WDR97: variants seen among roughly 807,000 people sequenced by gnomAD.
WDR97 encodes WD repeat-containing protein 97.
Under a neutral mutation model 65.4 loss-of-function variants are expected in WDR97, and 111 were observed. That is an observed-to-expected ratio of 1.70 (90% CI 1.45 to 1.99). The LOEUF is 1.99. Among genes scored for constraint, WDR97 ranks in the 30% most tolerant of loss-of-function variants. The pLI is 0.00. For missense variants in WDR97, 1,674 were observed against 865.0 expected (o/e 1.94, Z -11.73); for synonymous variants, 802 against 397.7 (o/e 2.02, Z -12.10).
In WDR97 at chr8:144,116,154, TGCCGTTGCCGCGTGTGGA is replaced by T; in HGVS notation, c.4735_4752del (p.Leu1579_Pro1584del). On this transcript the variant is annotated inframe_deletion, in exon 24 of 24. Coordinates refer to ENST00000323662, the MANE Select transcript of WDR97 (RefSeq NM_001316309.2). ...GACGGCCCCATCCGGACGCTGAAGC[TGCCGTTGCCGCGTGTGGA>T]GCCGCAGCCTTTCCCCCTGGACTGG... The T allele has an allele frequency of 1.4e-6, 1 of 699,890 alleles. No individual in the cohort carries two copies. Among genetic ancestry groups the T allele is most frequent in the Non-Finnish European group, 2.6e-6 (1 of 383,650 alleles). The allele number at this position is 699,890 out of a possible 1,614,324, so 43.4% of individuals were successfully genotyped here. A position where few individuals can be genotyped will look rare whatever the true frequency, so the allele number is the denominator to read the frequency against.
rs1384980656 is a variant in WDR97 at position 144,111,196 on chromosome 8, C to T, written c.2400C>T (p.Thr800=). The change falls in exon 10 of 24, where the codon ACC becomes ACT. Residue 800 remains threonine (T), a synonymous_variant. Coordinates refer to ENST00000323662, the MANE Select transcript of WDR97 (RefSeq NM_001316309.2). ...SLTSAQLQRL[T]NLHGAASLSE... The stretch of plus-strand genomic sequence containing the variant: ...CTTCCGCCCAACTGCAGAGGCTCAC[C>T]AACCTCCATGGGGCAGCCAGCCTCA... The T allele has an allele frequency of 8.5e-6, 6 of 702,630 alleles. No homozygotes were observed. Among genetic ancestry groups the T allele is most frequent in the African/African-American group, 1.7e-5 (1 of 57,268 alleles). 43.5% of individuals were successfully genotyped at this position (702,630 alleles called of 1,614,324 possible).
rs775356670 is a variant in WDR97, at chr8:144,108,113, A to C, written c.167A>C (p.Gln56Pro). The change falls in exon 2 of 24, where the codon CAG becomes CCG. Residue 56 changes from glutamine (Q) to proline (P), a missense_variant. Transcript: ENST00000323662. ...CTGCCCTTTTTGACCAGCAGCCAAC[A>C]GTGGCAAAGCCTGACCCCGCGCGCC... ...QVLPFLTSSQ[Q>P]WQSLTPRARA... 9 of 702,638 alleles carry C rather than the reference A, an allele frequency of 1.3e-5. No homozygotes were observed. In the South Asian group the frequency reaches 1.3e-4, roughly 10 times the overall value. The allele number at this position is 702,638 out of a possible 1,614,324, so 43.5% of individuals were successfully genotyped here. A position where few individuals can be genotyped will look rare whatever the true frequency, so the allele number is the denominator to read the frequency against.
chr8:144,108,143 C>T lies in WDR97; in HGVS notation c.197C>T (p.Ala66Val). 1 of 702,480 alleles carries T rather than the reference C, an allele frequency of 1.4e-6. No individual in the cohort carries two copies. Among genetic ancestry groups the T allele is most frequent in the Non-Finnish European group, 2.6e-6 (1 of 384,866 alleles). The allele number at this position is 702,480 out of a possible 1,614,324, so 43.5% of individuals were successfully genotyped here. A position where few individuals can be genotyped will look rare whatever the true frequency, so the allele number is the denominator to read the frequency against. ...CAAAGCCTGACCCCGCGCGCCCGCG[C>T]CCGCCGGCTGTGGCTGCTTCTGCGC... ...QWQSLTPRAR[A>V]RRLWLLLRTS... The change falls in exon 2 of 24, where the codon GCC becomes GTC. Residue 66 changes from alanine (A) to valine (V), a missense_variant. Transcript: ENST00000323662.
chr8:144,109,233 A>G, intron 4 of WDR97, 63 bp downstream of exon 4: 1 of 701,458 alleles, frequency 1.4e-6, no homozygotes, highest in Non-Finnish European at 2.6e-6. Flanking sequence ...TAGGCTGTCC[A>G]GCATCTCCGC....
rs998352663 is a variant in WDR97, at chr8:144,108,927, C to A, written c.861C>A (p.Arg287=). The A allele has an allele frequency of 5.8e-5, 41 of 702,850 alleles. No homozygotes were observed. Among genetic ancestry groups the A allele is most frequent in the Admixed American group, 1.8e-4 (9 of 49,994 alleles). 43.5% of individuals were successfully genotyped at this position (702,850 alleles called of 1,614,324 possible). A position where few individuals can be genotyped will look rare whatever the true frequency, so the allele number is the denominator to read the frequency against. The change falls in exon 3 of 24, where the codon CGC becomes CGA. Residue 287 remains arginine (R), a synonymous_variant. Transcript: ENST00000323662. Reference sequence around the variant, plus strand: ...ATGCCTGGACTCTCGTAGATGTGCGCCGGGATTTGCACAAAACGTGAGGGG... The same window carrying A: ...ATGCCTGGACTCTCGTAGATGTGCGACGGGATTTGCACAAAACGTGAGGGG... The part of the protein sequence containing the change: ...DLHAWTLVDV[R]RDLHKTTISD...
chr8:144,108,072 G>T lies in WDR97; in HGVS notation c.126G>T (p.Thr42=), dbSNP rs1484222236. 4.3e-6 allele frequency: 3 copies of T among 702,766 alleles called. No homozygotes were observed. The highest frequency in any genetic ancestry group is 7.8e-6 in the Non-Finnish European group (3 of 384,998). The allele number at this position is 702,766 out of a possible 1,614,324, so 43.5% of individuals were successfully genotyped here. Residue 42 remains threonine, a synonymous_variant, in exon 2 of 24, where the codon ACG becomes ACT. Coordinates refer to ENST00000323662, the MANE Select transcript of WDR97 (RefSeq NM_001316309.2). The stretch of plus-strand genomic sequence containing the variant: ...TCCTGCCCGCAGAGTTGACTTTCAC[G>T]GAGCCGTCGCAGGTCCTGCCCTTTT... ...LLTEKNELTF[T]EPSQVLPFLT...
rs2130052898 is a variant in WDR97 at position 144,109,487 on chromosome 8, G to A, written c.1153G>A (p.Val385Met). ...FWGQDKLSRR[V>M]GRLLAPVRPG... ...GGGCCAGGACAAGCTGTCCCGGCGC[G>A]TGGGCCGTCTGCTGGCGCCGGTGCG... Residue 385 changes from valine to methionine, a missense_variant, in exon 5 of 24, where the codon GTG (valine) becomes ATG (methionine). By Grantham distance (21) the Val-to-Met change is conservative. Transcript: ENST00000323662. 2 of 697,274 alleles carry A rather than the reference G, an allele frequency of 2.9e-6. No homozygotes were observed. Among genetic ancestry groups the A allele is most frequent in the African/African-American group, 1.7e-5 (1 of 57,144 alleles). The allele number at this position is 697,274 out of a possible 1,614,324, so 43.2% of individuals were successfully genotyped here. A position where few individuals can be genotyped will look rare whatever the true frequency, so the allele number is the denominator to read the frequency against.
rs1240217295 is a variant in WDR97, at chr8:144,109,376, GTGT to G, written c.1046_1048del (p.Leu349del). ...GACTGTGCTCCCGAACACGACCCTG[GTGT>G]TGTCGGCCTCGCAGGACGGGACGCT... On this transcript the variant is annotated inframe_deletion, in exon 5 of 24. Transcript: ENST00000323662. 1.4e-6 allele frequency: 1 copy of G among 702,540 alleles called. No individual in the cohort carries two copies. The highest frequency in any genetic ancestry group is 2.6e-6 in the Non-Finnish European group (1 of 384,884). 43.5% of individuals were successfully genotyped at this position (702,540 alleles called of 1,614,324 possible).
Position 144,114,837 on chromosome 8 carries a change from C to T in WDR97, c.4003C>T (p.Pro1335Ser), listed in dbSNP as rs1170086053. The T allele has an allele frequency of 1.4e-6, 1 of 702,706 alleles. No homozygotes were observed. The highest frequency in any genetic ancestry group is 2.6e-6 in the Non-Finnish European group (1 of 384,926). 43.5% of individuals were successfully genotyped at this position (702,706 alleles called of 1,614,324 possible). A position where few individuals can be genotyped will look rare whatever the true frequency, so the allele number is the denominator to read the frequency against. ...FKEMMTWVQG[P>S]DLDSKAGLRT... ...GGAGATGATGACCTGGGTCCAGGGC[C>T]CAGACCTGGACTCCAAGGCCGGCCT... The change falls in exon 21 of 24, where the codon CCA (proline) becomes TCA (serine). Residue 1335 changes from proline (P) to serine (S), a missense_variant. By Grantham distance (74) the Pro-to-Ser change is moderately conservative (BLOSUM62 -1). Transcript: ENST00000323662.
rs1478078941 is a variant in WDR97 at position 144,111,705 on chromosome 8, AG to A, written c.2562del (p.Gln854HisfsTer19). 2 of 698,472 alleles carry A rather than the reference AG, an allele frequency of 2.9e-6. No homozygotes were observed. The highest frequency in any genetic ancestry group is 5.2e-6 in the Non-Finnish European group (2 of 382,326). 43.3% of individuals were successfully genotyped at this position (698,472 alleles called of 1,614,324 possible). ...LRLGLVVPAA[Q>X]PPPSWQQRQE... is the part of the protein sequence containing the mutation. ...CTGGGGCTAGTGGTCCCAGCAGCCC[AG>A]CCCCCACCCTCCTGGCAGCAGCGCC... On this transcript the variant is annotated frameshift_variant, in exon 12 of 24. Coordinates refer to ENST00000323662, the MANE Select transcript of WDR97 (RefSeq NM_001316309.2). LOFTEE classifies it high-confidence loss of function.
rs145906584 is a variant in WDR97, at chr8:144,110,465, C to T, written c.1968C>T (p.Thr656=). 692 of 703,008 alleles carry T rather than the reference C, an allele frequency of 9.8e-4. 4 individuals carry two copies. In the African/African-American group the frequency reaches 0.011, roughly 11 times the overall value. 43.5% of individuals were successfully genotyped at this position (703,008 alleles called of 1,614,324 possible). The change falls in exon 7 of 24, where the codon ACC becomes ACT. Residue 656 remains threonine, a synonymous_variant. Coordinates refer to ENST00000323662, the MANE Select transcript of WDR97 (RefSeq NM_001316309.2). ...TCTGTGCGCTAGGCAGACGCGTCAC[C>T]GCGGGCTTTGAGGACCCAGACAGCG... ...VALCALGRRV[T]AGFEDPDSAT...
rs569592938 is a variant in WDR97 at position 144,108,199 on chromosome 8, C to A, written c.249+4C>A. 3 of 700,662 alleles carry A rather than the reference C, an allele frequency of 4.3e-6. No homozygotes were observed. In the East Asian group the frequency reaches 8.1e-5, roughly 19 times the overall value. The allele number at this position is 700,662 out of a possible 1,614,324, so 43.4% of individuals were successfully genotyped here. ...CCTCCACGAAGTCGTGGAAAAGGTG[C>A]GGTGTGCCTGTCCTGCGCCTCCTGG... On this transcript the variant is annotated splice_donor_region_variant and intron_variant, in intron 2 of 23. Transcript: ENST00000323662.
chr8:144,114,930 G>A lies in WDR97; in HGVS notation c.4077+19G>A, dbSNP rs530342223. On this transcript the variant is annotated intron_variant, in intron 21 of 23. Coordinates refer to ENST00000323662, the MANE Select transcript of WDR97 (RefSeq NM_001316309.2). The stretch of plus-strand genomic sequence containing the variant: ...GCTTCAGGTTGGGCCGGCAGGGGCC[G>A]GGGGGGCCTTGGGAACCCTGTTGCC... 1.7e-4 allele frequency: 112 copies of A among 667,640 alleles called. 3 individuals carry two copies. In the East Asian group the frequency reaches 2.4e-3, roughly 14 times the overall value. The allele number at this position is 667,640 out of a possible 1,614,324, so 41.4% of individuals were successfully genotyped here.
Position 144,111,418 on chromosome 8 carries a change from G to T in WDR97, c.2427-8G>T, listed in dbSNP as rs1031758705. ...CAGCATCCCACCTGTGCCTGTCCCTGTTTGCAGCGAGGCCTTGTCTCTCAT... is the reference window on the plus strand; with the variant it reads ...CAGCATCCCACCTGTGCCTGTCCCTTTTTGCAGCGAGGCCTTGTCTCTCAT... On this transcript the variant is annotated splice_region_variant and splice_polypyrimidine_tract_variant and intron_variant, in intron 10 of 23. Transcript: ENST00000323662. The T allele has an allele frequency of 5.7e-6, 4 of 702,694 alleles. No individual in the cohort carries two copies. The East Asian group carries it at 1.1e-4, about 19-fold the overall frequency. 43.5% of individuals were successfully genotyped at this position (702,694 alleles called of 1,614,324 possible).
rs777655659 is a variant in WDR97, at chr8:144,114,354, A to G, written c.3671A>G (p.Asp1224Gly). 9 of 702,658 alleles carry G rather than the reference A, an allele frequency of 1.3e-5. No individual in the cohort carries two copies. 43.5% of individuals were successfully genotyped at this position (702,658 alleles called of 1,614,324 possible). Residue 1224 changes from aspartate to glycine, a missense_variant, in exon 19 of 24, where the codon GAC becomes GGC. Asp to Gly is a moderately conservative substitution (Grantham distance 94, BLOSUM62 -1). Transcript: ENST00000323662. ...VALLEKTTWV[D>G]RVHILQVLLR... is the part of the protein sequence containing the mutation. Reference sequence around the variant, plus strand: ...CTGCTGGAGAAGACCACGTGGGTCGACCGTGTGCACATCCTGCAGGTGCTA... The same window carrying G: ...CTGCTGGAGAAGACCACGTGGGTCGGCCGTGTGCACATCCTGCAGGTGCTA...
At position 144,115,500 on chromosome 8, in the gene WDR97, G is replaced by C. The variant is rs1161411035; in HGVS notation, c.4237G>C (p.Ala1413Pro). Residue 1413 changes from alanine (A) to proline (P), a missense_variant, in exon 22 of 24, where the codon GCC becomes CCC. Physicochemically the swap from Ala to Pro is conservative, Grantham distance 27. Coordinates refer to ENST00000323662, the MANE Select transcript of WDR97 (RefSeq NM_001316309.2). Reference sequence around the variant, plus strand: ...CTCACCTGCGGAGCCGCACTCTTTAGCCCCGGAGCTCCAGGCCCAGCGGAT... The same window carrying C: ...CTCACCTGCGGAGCCGCACTCTTTACCCCCGGAGCTCCAGGCCCAGCGGAT... ...VVSPAEPHSL[A>P]PELQAQRMLA... 5 of 696,954 alleles carry C rather than the reference G, an allele frequency of 7.2e-6. No individual in the cohort carries two copies. Among genetic ancestry groups the C allele is most frequent in the Non-Finnish European group, 1.3e-5 (5 of 381,600 alleles). The allele number at this position is 696,954 out of a possible 1,614,324, so 43.2% of individuals were successfully genotyped here.
At chr8:144,114,224 A>T in intron 18 of WDR97, 54 bp from the exon 19 acceptor site, 1 of 694,414 alleles carries the variant, frequency 1.4e-6, no homozygotes, top group Non-Finnish European at 2.6e-6. Flanking sequence ...GGGAGAAGGT[A>T]GGGGCTGGCT....
chr8:144,109,944 A>G lies in WDR97; in HGVS notation c.1610A>G (p.Glu537Gly), dbSNP rs13250446. Residue 537 changes from glutamate to glycine, a missense_variant, in exon 5 of 24, where the codon GAA becomes GGA. Coordinates refer to ENST00000323662, the MANE Select transcript of WDR97 (RefSeq NM_001316309.2). ...CTGTACAGCCACCTCACGGATCTCGAAGGCGCCTTCTCCTCCTGGGAGATC... is the reference window on the plus strand; with the variant it reads ...CTGTACAGCCACCTCACGGATCTCGGAGGCGCCTTCTCCTCCTGGGAGATC... The part of the protein sequence containing the change: ...LHLYSHLTDL[E>G]GAFSSWEIVR... The G allele has an allele frequency of 0.91, 640,769 of 701,828 alleles. 293,750 individuals are homozygous for G. The highest frequency in any genetic ancestry group is 1 in the East Asian group (37,050 of 37,198). 43.5% of individuals were successfully genotyped at this position (701,828 alleles called of 1,614,324 possible).
Position 144,108,200 on chromosome 8 carries a change from G to A in WDR97, c.249+5G>A. ...CTCCACGAAGTCGTGGAAAAGGTGCGGTGTGCCTGTCCTGCGCCTCCTGGC... is the reference window on the plus strand; with the variant it reads ...CTCCACGAAGTCGTGGAAAAGGTGCAGTGTGCCTGTCCTGCGCCTCCTGGC... On this transcript the variant is annotated splice_donor_5th_base_variant and intron_variant, in intron 2 of 23. Transcript: ENST00000323662. 3 of 700,818 alleles carry A rather than the reference G, an allele frequency of 4.3e-6. No individual in the cohort carries two copies. The highest frequency in any genetic ancestry group is 5.2e-6 in the Non-Finnish European group (2 of 383,706). The allele number at this position is 700,818 out of a possible 1,614,324, so 43.4% of individuals were successfully genotyped here.
Sources: gnomAD v4.1 joint callset for allele counts on GRCh38, gnomAD v4.1.1 for gene constraint, MANE v1.5 for transcripts, NCBI Gene and HGNC (gene_info 2026-07-23, HGNC 2026-07-21) for gene names.